ATE1: variants seen among roughly 807,000 people sequenced by gnomAD.
ATE1 encodes the protein arginyltransferase 1, also known as arginyl-tRNA--protein transferase 1.
In ATE1, 36 loss-of-function variants were observed where a neutral mutation model predicts 70.5. That is an observed-to-expected ratio of 0.51 (90% confidence interval 0.39 to 0.67). The LOEUF (loss-of-function observed/expected upper bound fraction) is 0.67. Ranked by LOEUF, ATE1 falls within the 30% of genes least tolerant of loss-of-function variation. ATE1 has a pLI of 0.00. For missense variants in ATE1, 593 were observed against 629.5 expected (o/e 0.94, Z 0.62); for synonymous variants, 232 against 219.3 (o/e 1.06, Z -0.51).
chr10:121,818,357 G>A (rs1472704528), intron 10 of ATE1, among the ~76,000 whole-genome samples: 1 of 150,462 alleles, frequency 6.6e-6, no homozygotes, highest in Admixed American at 6.6e-5. Flanking sequence ...AAGTGAGTTA[G>A]TCAAAGATGT....
intron 7 of ATE1, among the ~76,000 whole-genome samples, chr10:121,878,558 G>A (rs553740410): frequency 8.6e-5 from 13 of 150,604 alleles, no homozygotes; most frequent in African/African-American, 2.0e-4. Context: ...ACACGACTGC[G>A]CTCCAGCCTG....
chr10:121,867,579 A>G (rs1276544071), intron 8 of ATE1, among the ~76,000 whole-genome samples: 2 of 152,214 alleles, frequency 1.3e-5, no homozygotes, highest in Non-Finnish European at 2.9e-5. Flanking sequence ...AACACTGATT[A>G]TAAGAAGCAT....
chr10:121,750,042 T>A (rs566599846), intron 11 of ATE1, among the ~76,000 whole-genome samples: 14 of 152,302 alleles, frequency 9.2e-5, no homozygotes, highest in African/African-American at 2.4e-4. Flanking sequence ...ATATTCTACA[T>A]AATTAACATG....
intron 10 of ATE1, among the ~76,000 whole-genome samples, chr10:121,801,843 G>A (rs955768587): frequency 6.6e-6 from 1 of 151,634 alleles, no homozygotes; most frequent in African/African-American, 2.4e-5. Flanking sequence ...TCCTGCTAGA[G>A]AGAACTGATC....
chr10:121,876,704 C>T (rs958247720), intron 7 of ATE1, among the ~76,000 whole-genome samples: 1 of 152,166 alleles, frequency 6.6e-6, no homozygotes, highest in Non-Finnish European at 1.5e-5. Flanking sequence ...CGGTGGCTCA[C>T]GCCTGTAATC....
intron 10 of ATE1, among the ~76,000 whole-genome samples, chr10:121,800,437 G>A (rs939622278): frequency 1.3e-5 from 2 of 152,128 alleles, no homozygotes; most frequent in Non-Finnish European, 2.9e-5. Context: ...AAAACCAAAC[G>A]AACTTTCCTT....
At chr10:121,880,699 TTAAC>T (rs1177049320) in intron 7 of ATE1, among the ~76,000 whole-genome samples, 19 of 152,176 alleles carry the variant, frequency 1.2e-4, no homozygotes, top group Middle Eastern at 3.4e-3. Context: ...ACTTTTATAA[TTAAC>T]TACTACTGAC....
At chr10:121,925,877 G>C (rs548905967) in intron 1 of ATE1, among the ~76,000 whole-genome samples, 7 of 133,606 alleles carry the variant, frequency 5.2e-5, no homozygotes, top group Non-Finnish European at 7.9e-5. Flanking sequence ...AAAGGAGCAA[G>C]ACTGCCTCTT....
chr10:121,794,798 G>A (rs968340713), intron 10 of ATE1, among the ~76,000 whole-genome samples: 7 of 152,022 alleles, frequency 4.6e-5, no homozygotes, highest in African/African-American at 1.2e-4. Context: ...GACAAATATC[G>A]AGGGTGGAGA....
At chr10:121,812,059 G>T (rs1947343901) in intron 10 of ATE1, among the ~76,000 whole-genome samples, 1 of 145,840 alleles carries the variant, frequency 6.9e-6, no homozygotes, top group South Asian at 2.2e-4. Flanking sequence ...GGGCTCAAGT[G>T]ATCCTCCTGC....
At chr10:121,928,167 A>C, upstream of ATE1, 1 of 1,289,532 alleles carries the variant, frequency 7.8e-7, no homozygotes, top group Non-Finnish European at 9.8e-7. Flanking sequence ...TTCCTTCTCC[A>C]TAAGGGGCCG....
intron 10 of ATE1, among the ~76,000 whole-genome samples, chr10:121,812,365 G>A (rs1302691076): frequency 2.0e-5 from 3 of 151,950 alleles, no homozygotes; most frequent in Non-Finnish European, 4.4e-5. Flanking sequence ...CAAAACAGAT[G>A]GGAAGAAAAT....
intron 10 of ATE1, among the ~76,000 whole-genome samples, chr10:121,794,610 C>CAAAAAAAAAAAAA (rs71022866): frequency 1.3e-5 from 1 of 77,542 alleles, no homozygotes; most frequent in African/African-American, 5.1e-5. Context: ...ACCCTGTCTC[C>CAAAAAAAAAAAAA]AAAAAAAAAA....
At chr10:121,815,285 G>A (rs528577610) in intron 10 of ATE1, among the ~76,000 whole-genome samples, 18 of 152,210 alleles carry the variant, frequency 1.2e-4, no homozygotes, top group African/African-American at 3.6e-4. Flanking sequence ...ACAGGCGCCC[G>A]CCACCACGCC....
intron 10 of ATE1, among the ~76,000 whole-genome samples, chr10:121,804,185 A>T (rs1346156152): frequency 6.6e-6 from 1 of 152,228 alleles, no homozygotes; most frequent in Non-Finnish European, 1.5e-5. Context: ...CAGGTGAGAA[A>T]GTCAAGTCAA....
chr10:121,798,413 A>G (rs758040446), intron 10 of ATE1, among the ~76,000 whole-genome samples: 2 of 152,210 alleles, frequency 1.3e-5, no homozygotes, highest in Non-Finnish European at 2.9e-5. Context: ...TTTTCATATT[A>G]ATTTTCACTT....
chr10:121,819,000 A>T (rs908863477), intron 10 of ATE1, among the ~76,000 whole-genome samples: 2 of 152,224 alleles, frequency 1.3e-5, no homozygotes, highest in African/African-American at 4.8e-5. Flanking sequence ...TACCAACCAC[A>T]ATGTCGCTGT....
intron 10 of ATE1, among the ~76,000 whole-genome samples, chr10:121,799,495 C>T (rs1946792511): frequency 1.3e-5 from 2 of 151,966 alleles, no homozygotes; most frequent in Admixed American, 6.6e-5. Flanking sequence ...ACCCATACAG[C>T]TGTCTCCCTC....
chr10:121,804,359 T>C (rs570927089), intron 10 of ATE1, among the ~76,000 whole-genome samples: 3 of 152,306 alleles, frequency 2.0e-5, no homozygotes, highest in African/African-American at 7.2e-5. Flanking sequence ...CAAAAATGTA[T>C]GTCCTTAAAA....
Sources: allele counts gnomAD v4.1 joint callset (sites outside exome capture counted in the v4.1 genomes callset), GRCh38; gene constraint gnomAD v4.1.1; transcripts MANE v1.5; gene names NCBI Gene and HGNC (gene_info 2026-07-23, HGNC 2026-07-21).